Variants in FBN3 observed in about 807,000 individuals in gnomAD.
The protein encoded by FBN3 is fibrillin 3, also known as fibrillin-3.
FBN3 carries 234 observed loss-of-function variants against 330.1 expected under a neutral mutation model. The ratio of observed to expected loss-of-function variants is 0.71; its 90% confidence interval spans 0.64 to 0.79. The LOEUF (loss-of-function observed/expected upper bound fraction) is 0.79, where lower values mean the gene tolerates loss of function less well. Ranked by LOEUF, FBN3 falls within the 30% of genes least tolerant of loss-of-function variation. The probability of loss-of-function intolerance (pLI) is 0.00; values close to 1 mark genes in which losing one functional copy is unlikely to be tolerated. For synonymous variants in FBN3, 1,458 were observed against 1,517.3 expected (o/e 0.96, Z 0.91); for missense variants, 3,606 against 3,886.9 (o/e 0.93, Z 1.92).
chr19:8,091,021 T>C (rs543454655), intron 48 of FBN3, among the ~76,000 whole-genome samples: 1 of 152,078 alleles, frequency 6.6e-6, no homozygotes, highest in South Asian at 2.1e-4. Flanking sequence ...GAACAGCAAA[T>C]ATTCGCTGAG....
At position 8,080,721 on chromosome 19, in the gene FBN3, C is replaced by T. The variant is rs868370218; in HGVS notation, c.7453+282G>A. 1.3e-3 allele frequency among the ~76,000 whole-genome samples: 195 copies of T among 152,128 alleles called. 3 individuals carry two copies. Among genetic ancestry groups the T allele is most frequent in the Middle Eastern group, 6.8e-3 (2 of 294 alleles). ...GCAACCTCTGCCTCCCGAGTTCAAG[C>T]GATTCTCCTGCCTCAGCTTCTCGGA... On this transcript the variant is annotated intron_variant, in intron 59 of 63. Coordinates refer to ENST00000600128, the MANE Select transcript of FBN3 (RefSeq NM_032447.5).
Position 8,088,149 on chromosome 19 carries a change from CA to C in FBN3, c.6406del (p.Cys2136ValfsTer26), listed in dbSNP as rs755224164. ...DTDECSVGHP[C>X]GQGTCTNVIG... Reference sequence around the variant, plus strand: ...GACATTGGTGCATGTCCCTTGCCCACAGGGGTGGCCGACAGAGCACTCGTCT... The same window carrying C: ...GACATTGGTGCATGTCCCTTGCCCACGGGGTGGCCGACAGAGCACTCGTCT... On this transcript the variant is annotated frameshift_variant, in exon 52 of 64. Coordinates refer to ENST00000600128, the MANE Select transcript of FBN3 (RefSeq NM_032447.5). LOFTEE classifies it high-confidence loss of function. The C allele has an allele frequency of 1.7e-5, 27 of 1,610,206 alleles. No individual in the cohort carries two copies. In the South Asian group the frequency reaches 2.8e-4, roughly 16 times the overall value.
At chr19:8,133,292 G>A (rs1360901201) in intron 13 of FBN3, among the ~76,000 whole-genome samples, 186 bp from the exon 14 acceptor site, 3 of 152,204 alleles carry the variant, frequency 2.0e-5, no homozygotes, top group Admixed American at 6.5e-5. Context: ...TGAGTTCCCC[G>A]GGGCACGACC....
At chr19:8,140,686 G>A (rs11672304) in intron 8 of FBN3, among the ~76,000 whole-genome samples, 42,861 of 151,780 alleles carry the variant, frequency 0.28, 7,082 homozygotes, top group Non-Finnish European at 0.38. Context: ...GGCACAGAGC[G>A]GTTAAGTCAC....
rs150564906 is a variant in FBN3 at position 8,105,246 on chromosome 19, C to T, written c.4813+862G>A. ...GGGATTACAAGCATGAGCCACTGTG[C>T]CCAGTCTTTTTTTTCTTTTTTTTTT... On this transcript the variant is annotated intron_variant, in intron 38 of 63. Transcript: ENST00000600128. Among the ~76,000 whole-genome samples, 911 of 151,618 alleles carry T rather than the reference C, an allele frequency of 6.0e-3. 13 individuals carry two copies. Among genetic ancestry groups the T allele is most frequent in the African/African-American group, 0.021 (865 of 41,398 alleles).
At position 8,131,789 on chromosome 19, in the gene FBN3, G is replaced by A. The variant is rs2083155556; in HGVS notation, c.1755C>T (p.Gly585=). 1.3e-5 allele frequency: 21 copies of A among 1,607,622 alleles called. No homozygotes were observed. Among genetic ancestry groups the A allele is most frequent in the Non-Finnish European group, 1.8e-5 (21 of 1,175,452 alleles). The change falls in exon 15 of 64, where the codon GGC becomes GGT. Residue 585 remains glycine, a synonymous_variant. Coordinates refer to ENST00000600128, the MANE Select transcript of FBN3 (RefSeq NM_032447.5). This position sits in a 1 kb window ranked among gnomAD's most constrained non-coding sequence, Gnocchi z 4.5. ...AGGAGCCCTCGGTGTTGGTACAGTG[G>A]CCGTTCACGCAGATGCCGGGCGTCT... ...ECQTPGICVN[G]HCTNTEGSFR... is the part of the protein sequence containing the mutation.
Position 8,131,485 on chromosome 19 carries a change from C to A in FBN3, c.1990+69G>T. On this transcript the variant is annotated intron_variant, in intron 15 of 63. Coordinates refer to ENST00000600128, the MANE Select transcript of FBN3 (RefSeq NM_032447.5). The surrounding 1 kb of genome is among the most constrained non-coding windows in gnomAD (Gnocchi z 4.5). ...ACTCCATGGCAGCCATGACCCCCCA[C>A]CAGAAGCGAGAACCGATGGAGGCAT... is the stretch of plus-strand genomic sequence containing the variant. 1 of 1,544,896 alleles carries A rather than the reference C, an allele frequency of 6.5e-7. No individual in the cohort carries two copies. Among genetic ancestry groups the A allele is most frequent in the South Asian group, 1.2e-5 (1 of 80,742 alleles).
rs754240509 is a variant in FBN3, at chr19:8,073,270, G to A, written c.7730C>T (p.Pro2577Leu). ...VDENECALSP[P>L]TCGSASCRNT... The stretch of plus-strand genomic sequence containing the variant: ...GCGACAGGAGGCGCTCCCGCAGGTG[G>A]GGGGCGACAGGGCACACTCATTCTC... Residue 2577 changes from proline to leucine, a missense_variant, in exon 62 of 64, where the codon CCC becomes CTC. Physicochemically the swap from Pro to Leu is moderately conservative, Grantham distance 98. Coordinates refer to ENST00000600128, the MANE Select transcript of FBN3 (RefSeq NM_032447.5). 2.1e-5 allele frequency: 34 copies of A among 1,613,804 alleles called. No individual in the cohort carries two copies. Among genetic ancestry groups the A allele is most frequent in the Admixed American group, 1.3e-4 (8 of 59,974 alleles).
At chr19:8,083,000 G>A (rs1277201621) in intron 57 of FBN3, among the ~76,000 whole-genome samples, 1 of 151,942 alleles carries the variant, frequency 6.6e-6, no homozygotes, top group Non-Finnish European at 1.5e-5. Flanking sequence ...TTTAGCGATG[G>A]GGTCTTGCTA....
intron 47 of FBN3, among the ~76,000 whole-genome samples, chr19:8,092,136 C>T (rs1422428179): frequency 1.3e-5 from 2 of 151,398 alleles, no homozygotes; most frequent in African/African-American, 4.9e-5. Context: ...TGAGCTCATA[C>T]CACTGCACTT....
chr19:8,124,904 G>A (rs560706072), intron 22 of FBN3, among the ~76,000 whole-genome samples: 6 of 152,274 alleles, frequency 3.9e-5, no homozygotes, highest in East Asian at 3.9e-4. Flanking sequence ...GTCATTATAC[G>A]TTCGTCCAAA....
At chr19:8,089,394 G>C in intron 51 of FBN3, 151 bp downstream of exon 51, 1 of 765,580 alleles carries the variant, frequency 1.3e-6, no homozygotes, top group Non-Finnish European at 2.0e-6. Flanking sequence ...AGTGAATGAA[G>C]CACAGAGGGA....
At chr19:8,081,736 C>T (rs1033957605) in intron 57 of FBN3, among the ~76,000 whole-genome samples, 6 of 152,184 alleles carry the variant, frequency 3.9e-5, no homozygotes, top group African/African-American at 1.4e-4. Flanking sequence ...ATGTGCATGG[C>T]TGTGTGCTAA....
At position 8,109,379 on chromosome 19, in the gene FBN3, G is replaced by T. The variant is rs774595160; in HGVS notation, c.4466C>A (p.Ala1489Asp). 3 of 1,614,062 alleles carry T rather than the reference G, an allele frequency of 1.9e-6. No homozygotes were observed. In the East Asian group the frequency reaches 6.7e-5, roughly 36 times the overall value. Reference sequence around the variant, plus strand: ...ATGCGTCTCCAGGAAACAGTTCCCGGCCCGAGTGTCTGAACAGGCAGAAGG... The same window carrying T: ...ATGCGTCTCCAGGAAACAGTTCCCGTCCCGAGTGTCTGAACAGGCAGAAGG... Reference protein sequence around the residue: ...PSGVGCVDTRAGNCFLETHDR... With the variant: ...PSGVGCVDTRDGNCFLETHDR... Residue 1489 changes from alanine (A) to aspartate (D), a missense_variant, in exon 36 of 64, where the codon GCC (alanine) becomes GAC (aspartate). Ala to Asp is a moderately radical substitution (Grantham distance 126). Transcript: ENST00000600128. The surrounding 1 kb of genome is among the most constrained non-coding windows in gnomAD (Gnocchi z 5.2).
chr19:8,090,298 G>A (rs776258210), intron 48 of FBN3, 47 bp from the exon 49 acceptor site: 1 of 1,604,720 alleles, frequency 6.2e-7, no homozygotes, highest in Non-Finnish European at 8.5e-7. Flanking sequence ...CGCTGGCAGT[G>A]CCCACCTGCC....
In FBN3 at chr19:8,147,477, T is replaced by G. The variant is rs752274102; in HGVS notation, c.4A>C (p.Thr2Pro). The G allele has an allele frequency of 2.0e-6, 3 of 1,496,608 alleles. No individual in the cohort carries two copies. The highest frequency in any genetic ancestry group is 2.7e-6 in the Non-Finnish European group (3 of 1,123,758). 92.7% of individuals were successfully genotyped at this position (1,496,608 alleles called of 1,614,324 possible). A position where few individuals can be genotyped will look rare whatever the true frequency, so the allele number is the denominator to read the frequency against. M[T>P]LEGLYLARGP... ...CTTGCCAAATACAGACCCTCCAGAG[T>G]CATGGCGTGTCCCCTGGAGGCTGCG... Residue 2 changes from threonine to proline, a missense_variant, in exon 2 of 64, where the codon ACT (threonine) becomes CCT (proline). Transcript: ENST00000600128.
At chr19:8,098,832 T>C (rs2082266899) in intron 41 of FBN3, among the ~76,000 whole-genome samples, 1 of 151,790 alleles carries the variant, frequency 6.6e-6, no homozygotes, top group Non-Finnish European at 1.5e-5. Context: ...ACAATCCACC[T>C]ATCTATCAAT....
rs773488910 is a variant in FBN3 at position 8,123,969 on chromosome 19, T to C, written c.2771A>G (p.Asp924Gly). 34 of 1,613,892 alleles carry C rather than the reference T, an allele frequency of 2.1e-5. No homozygotes were observed. The highest frequency in any genetic ancestry group is 8.5e-6 in the Non-Finnish European group (10 of 1,180,004). The change falls in exon 23 of 64, where the codon GAT (aspartate) becomes GGT (glycine). Residue 924 changes from aspartate to glycine, a missense_variant. Physicochemically the swap from Asp to Gly is moderately conservative, Grantham distance 94. Transcript: ENST00000600128. ...LEPCFLRWDEDECGVTLPGKY... is the reference protein window; with the variant it reads ...LEPCFLRWDEGECGVTLPGKY... The stretch of plus-strand genomic sequence containing the variant: ...GCCAGGCAGGGTGACCCCACACTCA[T>C]CCTCATCCCATCGCAGGAAACATGG...
intron 55 of FBN3, 69 bp downstream of exon 55, chr19:8,086,113 TGGGGGGAACAGGCAGTGG>T (rs1355206780): frequency 1.5e-6 from 1 of 650,426 alleles, no homozygotes. Flanking sequence ...GGGCAGGCAG[TGGGGGGAACAGGCAGTGG>T]GGGGGGACAG....
Sources: allele counts gnomAD v4.1 joint callset (sites outside exome capture counted in the v4.1 genomes callset), GRCh38; gene constraint gnomAD v4.1.1; non-coding constraint Gnocchi (gnomAD v3.1); transcripts MANE v1.5; gene names NCBI Gene and HGNC (gene_info 2026-07-23, HGNC 2026-07-21).